Variants in PSMC6 observed in about 807,000 individuals in gnomAD.
The protein encoded by PSMC6 is 26S proteasome regulatory subunit 10B.
A neutral mutation model predicts 55.9 loss-of-function variants in PSMC6; 3 were observed. The ratio of observed to expected loss-of-function variants is 0.05; its 90% CI spans 0.02 to 0.14. The LOEUF (loss-of-function observed/expected upper bound fraction) is 0.14, where lower values mean the gene tolerates loss of function less well. Ranked by LOEUF, PSMC6 falls within the 10% of genes least tolerant of loss-of-function variation. The probability of loss-of-function intolerance (pLI) is 1.00; values close to 1 mark genes in which losing one functional copy is unlikely to be tolerated. For missense variants in PSMC6, 210 were observed against 478.7 expected, an observed-to-expected ratio of 0.44 and a Z score of 5.24; for synonymous variants, 137 against 155.9, an observed-to-expected ratio of 0.88 and a Z score of 0.90.
rs1438582072 is a variant in PSMC6, at chr14:52,723,989, C to T, written c.1004C>T (p.Ser335Leu). 4 of 1,613,726 alleles carry T rather than the reference C, an allele frequency of 2.5e-6. No individual in the cohort carries two copies. The highest frequency in any genetic ancestry group is 3.4e-6 in the Non-Finnish European group (4 of 1,179,858). The change falls in exon 13 of 14, where the codon TCG (serine) becomes TTG (leucine). Residue 335 changes from serine (S) to leucine (L), a missense_variant. By Grantham distance (145) the Ser-to-Leu change is moderately radical. Coordinates refer to ENST00000445930, the MANE Select transcript of PSMC6 (RefSeq NM_002806.5). ...GATTATGAAGCAATTGTGAAGCTTT[C>T]GGATGGCTTTAATGGAGCAGATCTG... Reference protein sequence around the residue: ...EIDYEAIVKLSDGFNGADLRN... With the variant: ...EIDYEAIVKLLDGFNGADLRN...
chr14:52,720,995 C>A lies in PSMC6; in HGVS notation c.898+14C>A. The A allele has an allele frequency of 6.2e-7, 1 of 1,611,120 alleles. No individual in the cohort carries two copies. Among genetic ancestry groups the A allele is most frequent in the Non-Finnish European group, 8.5e-7 (1 of 1,178,144 alleles). On this transcript the variant is annotated intron_variant, in intron 11 of 13. Transcript: ENST00000445930. ...ATAGAAAAATACGTGAGTTAAGATT[C>A]TTTACCTACTGTCCATTTCCCTTTG...
Position 52,718,323 on chromosome 14 carries a change from T to C in PSMC6, c.686T>C (p.Ile229Thr), listed in dbSNP as rs746641590. The stretch of plus-strand genomic sequence containing the variant: ...TATGCTAGAGATCATCAACCATGCA[T>C]CATTTTTATGGATGAAATAGATGCT... Reference protein sequence around the residue: ...FNYARDHQPCIIFMDEIDAIG... With the variant: ...FNYARDHQPCTIFMDEIDAIG... Residue 229 changes from isoleucine (I) to threonine (T), a missense_variant, in exon 9 of 14, where the codon ATC (isoleucine) becomes ACC (threonine). Around this residue, in one of 4 missense-constraint regions of PSMC6, gnomAD observed 4 missense variants for 52.7 expected, o/e 0.08. Transcript: ENST00000445930. 1 of 1,613,512 alleles carries C rather than the reference T, an allele frequency of 6.2e-7. No homozygotes were observed. Among genetic ancestry groups the C allele is most frequent in the Non-Finnish European group, 8.5e-7 (1 of 1,179,510 alleles).
chr14:52,720,888 A>T lies in PSMC6; in HGVS notation c.805A>T (p.Thr269Ser). The change falls in exon 11 of 14, where the codon ACT (threonine) becomes TCT (serine). Residue 269 changes from threonine (T) to serine (S), a missense_variant. Physicochemically the swap from Thr to Ser is moderately conservative, Grantham distance 58. This residue lies in a region of PSMC6 where 79 missense variants were observed against 158.7 expected (regional missense o/e 0.50). Transcript: ENST00000445930. ...ACTGAATCAAATGGATGGATTTGAT[A>T]CTCTGCATAGAGTTAAAATGATCAT... ...ELLNQMDGFD[T>S]LHRVKMIMAT... 6.2e-7 allele frequency: 1 copy of T among 1,605,978 alleles called. No individual in the cohort carries two copies. The highest frequency in any genetic ancestry group is 1.7e-5 in the Admixed American group (1 of 59,738).
chr14:52,711,380 A>C, intron 5 of PSMC6, 30 bp from the exon 6 acceptor site: 2 of 1,544,520 alleles, frequency 1.3e-6, no homozygotes, highest in Non-Finnish European at 8.9e-7. Context: ...TATATCTTTC[A>C]AAAGAAAAAT....
rs1191748186 is a variant in PSMC6, at chr14:52,711,500, A to G, written c.417A>G (p.Ser139=). The G allele has an allele frequency of 3.1e-6, 5 of 1,610,950 alleles. No homozygotes were observed. Among genetic ancestry groups the G allele is most frequent in the Non-Finnish European group, 3.4e-6 (4 of 1,177,382 alleles). The change falls in exon 6 of 14, where the codon TCA becomes TCG. Residue 139 remains serine, a synonymous_variant. Transcript: ENST00000445930. The part of the protein sequence containing the change: ...NVSYSEIGGL[S]EQIRELREVI... The stretch of plus-strand genomic sequence containing the variant: ...CTTATTCTGAGATTGGAGGGCTATC[A>G]GAACAGATCCGGGAATTAAGAGAGG...
At chr14:52,718,848 C>T in intron 9 of PSMC6, 129 bp from the exon 10 acceptor site, 1 of 706,628 alleles carries the variant, frequency 1.4e-6, no homozygotes, top group Non-Finnish European at 2.4e-6. Context: ...CTAACTTTGT[C>T]AGCATAATTC....
At chr14:52,723,885 C>T in intron 12 of PSMC6, 80 bp from the exon 13 acceptor site, 1 of 1,567,792 alleles carries the variant, frequency 6.4e-7, no homozygotes, top group Non-Finnish European at 8.6e-7. Context: ...GTAAGCTCTT[C>T]AGTTTAAATT....
At chr14:52,708,941 C>A in intron 4 of PSMC6, 125 bp downstream of exon 4, 1 of 1,378,896 alleles carries the variant, frequency 7.3e-7, no homozygotes. Context: ...ATGATTTGTT[C>A]AGACATAGCT....
intron 1 of PSMC6, among the ~76,000 whole-genome samples, 174 bp from the exon 2 acceptor site, chr14:52,708,135 T>C (rs1054935952): frequency 2.0e-5 from 3 of 152,208 alleles, no homozygotes; most frequent in African/African-American, 7.2e-5. Flanking sequence ...ATTTTGTTGT[T>C]ATACATGCCA....
chr14:52,726,117 T>G (rs1458870867), intron 13 of PSMC6, among the ~76,000 whole-genome samples: 1 of 152,226 alleles, frequency 6.6e-6, no homozygotes, highest in Non-Finnish European at 1.5e-5. Context: ...AGAATTCATT[T>G]AATTAGTAGA....
chr14:52,715,149 G>T (rs1455770467), intron 7 of PSMC6, among the ~76,000 whole-genome samples: 1 of 150,014 alleles, frequency 6.7e-6, no homozygotes, highest in Non-Finnish European at 1.5e-5. Context: ...AAAAAAGTCA[G>T]TTTCACTATA....
chr14:52,724,619 C>T (rs1255626503), intron 13 of PSMC6, among the ~76,000 whole-genome samples: 1 of 152,210 alleles, frequency 6.6e-6, no homozygotes, highest in Middle Eastern at 3.4e-3. Context: ...TGTGATCATG[C>T]CATTTGTGTA....
chr14:52,709,088 CATTTT>C (rs1398667963), intron 4 of PSMC6: 2 of 273,378 alleles, frequency 7.3e-6, no homozygotes, highest in East Asian at 8.7e-5. Flanking sequence ...GGAAAACAGA[CATTTT>C]ATTTTAATGT....
intron 13 of PSMC6, 26 bp from the exon 14 acceptor site, chr14:52,727,473 C>A: frequency 2.9e-6 from 4 of 1,370,684 alleles, no homozygotes; most frequent in Non-Finnish European, 4.2e-6. Context: ...TGATATATAG[C>A]AGTCATGTTG....
At chr14:52,717,438 C>T (rs1482648588) in intron 7 of PSMC6, among the ~76,000 whole-genome samples, 2 of 148,128 alleles carry the variant, frequency 1.4e-5, no homozygotes, top group Admixed American at 1.4e-4. Flanking sequence ...CGGATTCAAG[C>T]GATTCTCCTG....
chr14:52,710,939 CTTATT>C (rs1272119873), intron 4 of PSMC6, 157 bp from the exon 5 acceptor site: 4 of 681,928 alleles, frequency 5.9e-6, no homozygotes, highest in Non-Finnish European at 1.0e-5. Context: ...CTTTGAATTA[CTTATT>C]TTATAAGCCA....
At chr14:52,721,972 T>A (rs1474012540) in intron 12 of PSMC6, 1 of 152,590 alleles carries the variant, frequency 6.6e-6, no homozygotes, top group African/African-American at 2.4e-5. Flanking sequence ...TTGCCCAGGC[T>A]GATCTTGAAC....
In PSMC6 at chr14:52,718,636, A is replaced by G. The variant is rs143441532; in HGVS notation, c.715+284A>G. ...CCCTGTCTCTACTAAAAATACAAAA[A>G]TTAGCTGGATGTGGTGGCACATGCC... is the stretch of plus-strand genomic sequence containing the variant. On this transcript the variant is annotated intron_variant, in intron 9 of 13. Coordinates refer to ENST00000445930, the MANE Select transcript of PSMC6 (RefSeq NM_002806.5). 6.0e-3 allele frequency: 2,301 copies of G among 380,516 alleles called. 30 individuals carry two copies. Among genetic ancestry groups the G allele is most frequent in the East Asian group, 0.045 (824 of 18,248 alleles). The allele number at this position is 380,516 out of a possible 1,614,324, so 23.6% of individuals were successfully genotyped here. A position where few individuals can be genotyped will look rare whatever the true frequency, so the allele number is the denominator to read the frequency against.
chr14:52,716,690 T>C (rs963483382), intron 7 of PSMC6, among the ~76,000 whole-genome samples: 1 of 151,714 alleles, frequency 6.6e-6, no homozygotes, highest in African/African-American at 2.4e-5. Flanking sequence ...GAGGCAGAGG[T>C]TGCAGTGAGC....
Sources: allele counts gnomAD v4.1 joint callset (sites outside exome capture counted in the v4.1 genomes callset), GRCh38; gene constraint gnomAD v4.1.1; regional missense constraint gnomAD v4.1.1; transcripts MANE v1.5; gene names NCBI Gene and HGNC (gene_info 2026-07-23, HGNC 2026-07-21).